LRP1B: variants seen among roughly 807,000 people sequenced by gnomAD.
LRP1B encodes the protein LDL receptor related protein 1B.
A neutral mutation model predicts 556.6 loss-of-function variants in LRP1B; 217 were observed. The ratio of observed to expected loss-of-function variants is 0.39; its 90% CI spans 0.35 to 0.44. The LOEUF is 0.44. LRP1B is among the 20% of genes least tolerant of loss of function. The probability of loss-of-function intolerance (pLI) is 1.00; values close to 1 mark genes in which losing one functional copy is unlikely to be tolerated. For missense variants in LRP1B, 5,053 were observed against 5,620.8 expected, an observed-to-expected ratio of 0.90 and a Z score of 3.23; for synonymous variants, 2,047 against 1,865.8, an observed-to-expected ratio of 1.10 and a Z score of -2.50.
chr2:141,971,217 CTAATA>C (rs1457839051), intron 1 of LRP1B, among the ~76,000 whole-genome samples: 1 of 151,464 alleles, frequency 6.6e-6, no homozygotes, highest in African/African-American at 2.4e-5. Flanking sequence ...TTGTCTCTTA[CTAATA>C]TTTCACACGT....
At chr2:140,662,032 C>A (rs1472385441) in intron 41 of LRP1B, among the ~76,000 whole-genome samples, 2 of 151,878 alleles carry the variant, frequency 1.3e-5, no homozygotes, top group Non-Finnish European at 2.9e-5. Context: ...GGAAGTAACT[C>A]TAACGAACAA....
chr2:140,616,798 TG>T (rs1380578795), intron 41 of LRP1B, among the ~76,000 whole-genome samples: 1 of 151,922 alleles, frequency 6.6e-6, no homozygotes, highest in Non-Finnish European at 1.5e-5. Context: ...TAATAGTTTA[TG>T]GAAAAAAATC....
chr2:140,916,320 C>T (rs909454465), intron 21 of LRP1B, among the ~76,000 whole-genome samples: 2 of 152,108 alleles, frequency 1.3e-5, no homozygotes, highest in Non-Finnish European at 2.9e-5. Context: ...TGGTTTTCCA[C>T]AATGATTAAA....
At chr2:141,600,476 G>A (rs184040562) in intron 2 of LRP1B, among the ~76,000 whole-genome samples, 19 of 152,256 alleles carry the variant, frequency 1.2e-4, no homozygotes, top group African/African-American at 4.6e-4. Flanking sequence ...AGGAGGGGAT[G>A]GTGAGTTGTG....
At chr2:140,523,753 C>A (rs1376120673) in intron 49 of LRP1B, among the ~76,000 whole-genome samples, 2 of 151,764 alleles carry the variant, frequency 1.3e-5, no homozygotes, top group Non-Finnish European at 2.9e-5. Flanking sequence ...ATAAAAAGCA[C>A]AATCCCACTT....
chr2:140,417,534 G>A (rs1685251881), intron 66 of LRP1B, among the ~76,000 whole-genome samples: 1 of 152,206 alleles, frequency 6.6e-6, no homozygotes, highest in African/African-American at 2.4e-5. Context: ...TCAGGAGGAT[G>A]TGCACGATGA....
intron 7 of LRP1B, among the ~76,000 whole-genome samples, chr2:141,087,617 C>A (rs1700078554): frequency 6.6e-6 from 1 of 152,128 alleles, no homozygotes; most frequent in South Asian, 2.1e-4. Context: ...ATTAAGAGAT[C>A]ATTCATTCAA....
chr2:140,552,343 C>T (rs1000439482), intron 43 of LRP1B, among the ~76,000 whole-genome samples: 1 of 152,022 alleles, frequency 6.6e-6, no homozygotes, highest in African/African-American at 2.4e-5. Context: ...ATGTTATCAC[C>T]AGAAGCCATT....
At chr2:141,845,245 A>T (rs1697607129) in intron 1 of LRP1B, among the ~76,000 whole-genome samples, 1 of 151,788 alleles carries the variant, frequency 6.6e-6, no homozygotes, top group South Asian at 2.1e-4. Context: ...TCCCATAAAG[A>T]CCTCTGCAGT....
At chr2:141,285,481 A>C (rs1402902926) in intron 3 of LRP1B, among the ~76,000 whole-genome samples, 1 of 93,856 alleles carries the variant, frequency 1.1e-5, no homozygotes, top group South Asian at 3.6e-4. Context: ...TTTGAGATGG[A>C]GTGTTGTTCT....
chr2:140,844,228 A>AT (rs1263525279), intron 29 of LRP1B, among the ~76,000 whole-genome samples: 58 of 151,754 alleles, frequency 3.8e-4, no homozygotes, highest in African/African-American at 1.1e-3. Context: ...CGCCCAGCTA[A>AT]TTTTTTTGTA....
At chr2:140,462,296 C>A (rs1329495961) in intron 60 of LRP1B, among the ~76,000 whole-genome samples, 1 of 152,130 alleles carries the variant, frequency 6.6e-6, no homozygotes, top group African/African-American at 2.4e-5. Flanking sequence ...CTTCCAATCT[C>A]TTTTATATTA....
At chr2:141,708,618 C>A (rs1310330317) in intron 2 of LRP1B, among the ~76,000 whole-genome samples, 2 of 152,230 alleles carry the variant, frequency 1.3e-5, no homozygotes, top group East Asian at 3.9e-4. Flanking sequence ...TCTAATGACT[C>A]TTCATTATAG....
chr2:141,711,446 T>G (rs1010839026), intron 2 of LRP1B, among the ~76,000 whole-genome samples: 5 of 152,064 alleles, frequency 3.3e-5, no homozygotes, highest in African/African-American at 7.2e-5. Context: ...GAGAAAGGCA[T>G]AGAGGAGATA....
intron 35 of LRP1B, among the ~76,000 whole-genome samples, chr2:140,729,427 G>A (rs553688607): frequency 6.6e-6 from 1 of 152,206 alleles, no homozygotes; most frequent in South Asian, 2.1e-4. Context: ...ATAGATATAT[G>A]AGTCTTATAA....
chr2:140,324,340 T>G (rs912882210), intron 80 of LRP1B, among the ~76,000 whole-genome samples: 1 of 152,000 alleles, frequency 6.6e-6, no homozygotes, highest in Non-Finnish European at 1.5e-5. Context: ...TGGGGGTTAT[T>G]ATTTGCAGAC....
At chr2:141,413,207 C>T (rs1013443427) in intron 3 of LRP1B, among the ~76,000 whole-genome samples, 2 of 152,082 alleles carry the variant, frequency 1.3e-5, no homozygotes, top group Non-Finnish European at 2.9e-5. Flanking sequence ...ATCTGGGCAA[C>T]AGAGTGAGAC....
intron 1 of LRP1B, among the ~76,000 whole-genome samples, chr2:141,951,687 T>G (rs965418140): frequency 6.6e-6 from 1 of 152,096 alleles, no homozygotes; most frequent in East Asian, 1.9e-4. Flanking sequence ...CTAACTAAAT[T>G]AGCATCATTT....
At chr2:140,614,412 C>A (rs181088721) in intron 41 of LRP1B, among the ~76,000 whole-genome samples, 49 of 152,036 alleles carry the variant, frequency 3.2e-4, no homozygotes, top group Admixed American at 3.1e-3. Context: ...GTACTATTCA[C>A]CCCTCAAAGG....
Sources: allele counts gnomAD v4.1 joint callset (sites outside exome capture counted in the v4.1 genomes callset), GRCh38; gene constraint gnomAD v4.1.1; transcripts MANE v1.5; gene names NCBI Gene and HGNC (gene_info 2026-07-23, HGNC 2026-07-21).